LAMC1: variants seen among roughly 807,000 people sequenced by gnomAD.
The protein encoded by LAMC1 is laminin subunit gamma 1.
In LAMC1, 38 loss-of-function variants were observed where a neutral mutation model predicts 173.6. The observed-to-expected ratio is 0.22, with a 90% CI of 0.17 to 0.29. The LOEUF is 0.29. Ranked by LOEUF, LAMC1 falls within the 10% of genes least tolerant of loss-of-function variation. The pLI is 1.00. For missense variants in LAMC1, 1,824 were observed against 2,051.8 expected (o/e 0.89, Z 2.14); for synonymous variants, 746 against 749.1 (o/e 1.00, Z 0.07).
intron 27 of LAMC1, chr1:183,141,294 G>A (rs1657108057): frequency 6.6e-6 from 1 of 152,256 alleles, no homozygotes; most frequent in African/African-American, 2.4e-5. Flanking sequence ...GGGCAACAGA[G>A]CGAAACCCTG....
intron 2 of LAMC1, 53 bp from the exon 3 acceptor site, chr1:183,108,223 C>A (rs1266118408): frequency 1.3e-6 from 2 of 1,557,850 alleles, no homozygotes; most frequent in East Asian, 2.3e-5. Context: ...ACATTTATAT[C>A]ATTTTCAGTC....
intron 1 of LAMC1, among the ~76,000 whole-genome samples, chr1:183,055,209 C>T (rs759891386): frequency 2.6e-5 from 4 of 151,568 alleles, no homozygotes; most frequent in Non-Finnish European, 1.5e-5. Context: ...AGGCTGGTCT[C>T]GAACTCCTGA....
At chr1:183,123,690 C>T (rs1454676294) in intron 13 of LAMC1, among the ~76,000 whole-genome samples, 2 of 152,160 alleles carry the variant, frequency 1.3e-5, no homozygotes, top group Non-Finnish European at 2.9e-5. Flanking sequence ...TTATGCTTAT[C>T]CCTATCTGAA....
In LAMC1 at chr1:183,128,600, G is replaced by C; in HGVS notation, c.3130G>C (p.Asp1044His). 6.2e-7 allele frequency: 1 copy of C among 1,606,830 alleles called. No individual in the cohort carries two copies. Among genetic ancestry groups the C allele is most frequent in the Non-Finnish European group, 8.5e-7 (1 of 1,175,504 alleles). ...CYRLVKDKVA[D>H]HRVKLQELES... Reference sequence around the variant, plus strand: ...CTTTCTTCTTTATGTTTAGGTTGCTGATCATAGAGTGAAGCTCCAGGAATT... The same window carrying C: ...CTTTCTTCTTTATGTTTAGGTTGCTCATCATAGAGTGAAGCTCCAGGAATT... The change falls in exon 18 of 28, where the codon GAT becomes CAT. Residue 1044 changes from aspartate (D) to histidine (H), a missense_variant. Physicochemically the swap from Asp to His is moderately conservative, Grantham distance 81. Coordinates refer to ENST00000258341, the MANE Select transcript of LAMC1 (RefSeq NM_002293.4).
At position 183,117,439 on chromosome 1, in the gene LAMC1, C is replaced by T. The variant is rs1347962739; in HGVS notation, c.1684C>T (p.Pro562Ser). The change falls in exon 9 of 28, where the codon CCT becomes TCT. Residue 562 changes from proline to serine, a missense_variant. By Grantham distance (74) the Pro-to-Ser change is moderately conservative. Transcript: ENST00000258341. Reference sequence around the variant, plus strand: ...CTACTTTCCTCGGTACTTCATTGCTCCTGGTAAGTAAGGCTAGAAAGCAGT... The same window carrying T: ...CTACTTTCCTCGGTACTTCATTGCTTCTGGTAAGTAAGGCTAGAAAGCAGT... ...DSYFPRYFIA[P>S]AKFLGKQVLS... 6.2e-7 allele frequency: 1 copy of T among 1,612,844 alleles called. No individual in the cohort carries two copies. The highest frequency in any genetic ancestry group is 8.5e-7 in the Non-Finnish European group (1 of 1,179,070).
chr1:183,042,038 A>G (rs1654149066), intron 1 of LAMC1, among the ~76,000 whole-genome samples: 2 of 152,178 alleles, frequency 1.3e-5, no homozygotes, highest in South Asian at 4.1e-4. Flanking sequence ...TTAGATGAAG[A>G]GTAAGTCACT....
chr1:183,123,516 G>A (rs1208148363), intron 13 of LAMC1, among the ~76,000 whole-genome samples: 1 of 152,100 alleles, frequency 6.6e-6, no homozygotes, highest in Non-Finnish European at 1.5e-5. Flanking sequence ...GGCTTATCTT[G>A]TTTTTCTGAA....
intron 1 of LAMC1, among the ~76,000 whole-genome samples, chr1:183,026,819 G>A (rs1483935308): frequency 6.6e-6 from 1 of 152,170 alleles, no homozygotes; most frequent in Non-Finnish European, 1.5e-5. Flanking sequence ...AAGTAGTTAT[G>A]TAAGTGTTTT....
At chr1:183,087,856 C>T (rs1356105043) in intron 1 of LAMC1, among the ~76,000 whole-genome samples, 2 of 151,456 alleles carry the variant, frequency 1.3e-5, no homozygotes, top group African/African-American at 4.9e-5. Flanking sequence ...TCTTGTTGCC[C>T]AGGCTGGAGT....
chr1:183,100,577 T>C (rs1361789374), intron 1 of LAMC1, among the ~76,000 whole-genome samples: 1 of 152,216 alleles, frequency 6.6e-6, no homozygotes, highest in Admixed American at 6.5e-5. Flanking sequence ...ATTCTAAGCA[T>C]TCCTCATGTC....
chr1:183,033,559 G>A (rs1158820773), intron 1 of LAMC1, among the ~76,000 whole-genome samples: 1 of 152,144 alleles, frequency 6.6e-6, no homozygotes, highest in African/African-American at 2.4e-5. Flanking sequence ...AAATGTAAAT[G>A]TTCCACATAT....
intron 4 of LAMC1, among the ~76,000 whole-genome samples, chr1:183,114,172 C>T (rs983996304): frequency 1.5e-4 from 23 of 152,158 alleles, no homozygotes; most frequent in African/African-American, 4.8e-4. Flanking sequence ...CAGGCTCAAG[C>T]GATTCTCTTG....
chr1:183,072,647 G>A (rs540857579), intron 1 of LAMC1, among the ~76,000 whole-genome samples: 6 of 152,346 alleles, frequency 3.9e-5, no homozygotes, highest in African/African-American at 9.6e-5. Context: ...GTACCAGTCT[G>A]TGGCCTGTTA....
In LAMC1 at chr1:183,118,100, A is replaced by C. The variant is rs1228572656; in HGVS notation, c.1944A>C (p.Leu648=). ...CCCCTTTTGAATTTCAGAAGCTCCTAAACAACTTGACCTCTATCAAGATAC... is the reference window on the plus strand; with the variant it reads ...CCCCTTTTGAATTTCAGAAGCTCCTCAACAACTTGACCTCTATCAAGATAC... ...ALTPFEFQKL[L]NNLTSIKIRG... The change falls in exon 11 of 28, where the codon CTA becomes CTC. Residue 648 remains leucine, a synonymous_variant. Coordinates refer to ENST00000258341, the MANE Select transcript of LAMC1 (RefSeq NM_002293.4). 1.2e-6 allele frequency: 2 copies of C among 1,613,098 alleles called. No individual in the cohort carries two copies. The highest frequency in any genetic ancestry group is 1.7e-6 in the Non-Finnish European group (2 of 1,179,112).
chr1:183,138,062 T>G (rs1185605087), intron 26 of LAMC1: 4 of 297,860 alleles, frequency 1.3e-5, no homozygotes, highest in Non-Finnish European at 2.0e-5. Flanking sequence ...AGTAAAACAT[T>G]GCTTTACACG....
In LAMC1 at chr1:183,145,254, G is replaced by A. The variant is rs949892345; in HGVS notation, c.*2464G>A. The A allele has an allele frequency of 2.0e-5, 3 of 152,360 alleles. No homozygotes were observed. The highest frequency in any genetic ancestry group is 7.3e-5 in the African/African-American group (3 of 41,310). The allele number at this position is 152,360 out of a possible 1,614,324, so 9.4% of individuals were successfully genotyped here. A position where few individuals can be genotyped will look rare whatever the true frequency, so the allele number is the denominator to read the frequency against. ...AGAATTTTATTTTTTAAAATAAAAG[G>A]TTCTTTACAAGATGATACCTTAATT... On this transcript the variant is annotated 3_prime_UTR_variant, in exon 28 of 28. Transcript: ENST00000258341.
intron 4 of LAMC1, among the ~76,000 whole-genome samples, chr1:183,112,103 C>T (rs1447221738): frequency 3.3e-5 from 5 of 152,154 alleles, no homozygotes; most frequent in African/African-American, 9.7e-5. Context: ...TATCTTAACT[C>T]ACTACTGTTT....
At chr1:183,069,387 A>T (rs965441449) in intron 1 of LAMC1, among the ~76,000 whole-genome samples, 1 of 152,212 alleles carries the variant, frequency 6.6e-6, no homozygotes, top group Non-Finnish European at 1.5e-5. Context: ...TATATGTAAA[A>T]CTTAATTATT....
intron 1 of LAMC1, among the ~76,000 whole-genome samples, chr1:183,047,389 A>G (rs1240130026): frequency 6.6e-6 from 1 of 152,188 alleles, no homozygotes; most frequent in African/African-American, 2.4e-5. Flanking sequence ...CTTCTGAGAT[A>G]TTTTAGGTCA....
Sources: gnomAD v4.1 joint callset for allele counts (sites outside exome capture counted in the v4.1 genomes callset) on GRCh38, gnomAD v4.1.1 for gene constraint, MANE v1.5 for transcripts, NCBI Gene and HGNC (gene_info 2026-07-23, HGNC 2026-07-21) for gene names.